The following HCN1 variants were observed in gnomAD, a reference collection of about 807,000 sequenced individuals.
The protein encoded by HCN1 is potassium/sodium hyperpolarization-activated cyclic nucleotide-gated channel 1.
HCN1 carries 13 observed loss-of-function variants against 78.9 expected under a neutral mutation model. That is an observed-to-expected ratio of 0.16 (90% CI 0.11 to 0.26). The LOEUF (loss-of-function observed/expected upper bound fraction) is 0.26, where lower values mean the gene tolerates loss of function less well. Ranked by LOEUF, HCN1 falls within the 10% of genes least tolerant of loss-of-function variation. The pLI, the probability that HCN1 is intolerant of heterozygous loss-of-function variation, is 1.00. For missense variants in HCN1, 810 were observed against 1,154.3 expected (o/e 0.70, Z 4.32); for synonymous variants, 552 against 455.5 (o/e 1.21, Z -2.70).
At chr5:45,407,071 T>C (rs1303672015) in intron 3 of HCN1, among the ~76,000 whole-genome samples, 1 of 152,086 alleles carries the variant, frequency 6.6e-6, no homozygotes, top group Non-Finnish European at 1.5e-5. Context: ...GGGTGACAGG[T>C]TCAATCTGAA....
chr5:45,456,805 G>T (rs1478060617), intron 3 of HCN1, among the ~76,000 whole-genome samples: 1 of 151,914 alleles, frequency 6.6e-6, no homozygotes, highest in Non-Finnish European at 1.5e-5. Flanking sequence ...ATGACTAATT[G>T]ACTTATCCAA....
At chr5:45,586,777 T>G (rs1744237243) in intron 2 of HCN1, among the ~76,000 whole-genome samples, 1 of 152,194 alleles carries the variant, frequency 6.6e-6, no homozygotes, top group Non-Finnish European at 1.5e-5. Context: ...GAGCCATTAT[T>G]TAGTCTCTTA....
intron 4 of HCN1, among the ~76,000 whole-genome samples, chr5:45,374,319 A>G (rs1324286650): frequency 7.2e-6 from 1 of 139,304 alleles, no homozygotes; most frequent in Non-Finnish European, 1.5e-5. Flanking sequence ...TATATACATT[A>G]TATACATTAT....
intron 2 of HCN1, among the ~76,000 whole-genome samples, chr5:45,588,875 T>C (rs1331940217): frequency 6.6e-6 from 1 of 152,210 alleles, no homozygotes; most frequent in Non-Finnish European, 1.5e-5. Flanking sequence ...ATCTCATTTA[T>C]CTCACGCCTG....
chr5:45,568,682 T>A (rs909029768), intron 2 of HCN1, among the ~76,000 whole-genome samples: 1 of 152,164 alleles, frequency 6.6e-6, no homozygotes, highest in African/African-American at 2.4e-5. Context: ...TAACACTCGT[T>A]ATATTTTAAA....
chr5:45,411,519 C>G (rs1473796782), intron 3 of HCN1, among the ~76,000 whole-genome samples: 1 of 151,726 alleles, frequency 6.6e-6, no homozygotes, highest in Non-Finnish European at 1.5e-5. Context: ...AAGCAGGGCC[C>G]CTTTAAAATT....
chr5:45,642,407 T>A (rs1745472465), intron 2 of HCN1: 1 of 152,098 alleles, frequency 6.6e-6, no homozygotes, highest in Admixed American at 6.6e-5. Context: ...CTAATTTATC[T>A]GGCATCAGGG....
intron 3 of HCN1, among the ~76,000 whole-genome samples, chr5:45,409,853 ATAAT>A (rs1739992697): frequency 6.6e-6 from 1 of 151,824 alleles, no homozygotes; most frequent in African/African-American, 2.4e-5. Flanking sequence ...AAATAAACAA[ATAAT>A]TAAATATATT....
At chr5:45,496,493 G>A (rs992989663) in intron 2 of HCN1, among the ~76,000 whole-genome samples, 49 of 152,166 alleles carry the variant, frequency 3.2e-4, no homozygotes, top group African/African-American at 1.2e-3. Context: ...GAATCCATCT[G>A]GTCCTGGACT....
chr5:45,406,139 C>T (rs1739915270), intron 3 of HCN1, among the ~76,000 whole-genome samples: 1 of 152,002 alleles, frequency 6.6e-6, no homozygotes, highest in Non-Finnish European at 1.5e-5. Context: ...TTCATTGGTA[C>T]TATTTATAAA....
intron 3 of HCN1, among the ~76,000 whole-genome samples, chr5:45,431,951 C>T (rs1436093167): frequency 6.6e-6 from 1 of 152,024 alleles, no homozygotes; most frequent in East Asian, 1.9e-4. Context: ...TTTAAAATAG[C>T]TTTTTTCTAA....
intron 2 of HCN1, among the ~76,000 whole-genome samples, chr5:45,540,723 C>A (rs569075136): frequency 6.6e-6 from 1 of 152,044 alleles, no homozygotes; most frequent in African/African-American, 2.4e-5. Flanking sequence ...TTATTGTTTG[C>A]ATTTTTCTAA....
intron 2 of HCN1, among the ~76,000 whole-genome samples, chr5:45,567,558 TACACACACACACACAC>T (rs36230541): frequency 3.8e-4 from 51 of 133,026 alleles, no homozygotes; most frequent in African/African-American, 1.3e-3. Context: ...CATTTTAGGC[TACACACACACACACAC>T]ACACACACAC....
At chr5:45,308,074 T>A (rs985908730) in intron 5 of HCN1, among the ~76,000 whole-genome samples, 1 of 152,078 alleles carries the variant, frequency 6.6e-6, no homozygotes, top group South Asian at 2.1e-4. Flanking sequence ...TGTCCTTGAG[T>A]TAATGAGTGA....
intron 5 of HCN1, among the ~76,000 whole-genome samples, chr5:45,316,528 A>G (rs1433411798): frequency 1.3e-5 from 2 of 151,878 alleles, no homozygotes; most frequent in Non-Finnish European, 2.9e-5. Context: ...CTCTCTCACC[A>G]CTCCTATTCA....
At chr5:45,409,148 T>C (rs1239079163) in intron 3 of HCN1, among the ~76,000 whole-genome samples, 2 of 152,194 alleles carry the variant, frequency 1.3e-5, no homozygotes, top group South Asian at 4.1e-4. Flanking sequence ...CAAGAGACTA[T>C]ATAAAAGGCT....
chr5:45,586,424 C>A (rs1159767414), intron 2 of HCN1, among the ~76,000 whole-genome samples: 1 of 152,136 alleles, frequency 6.6e-6, no homozygotes, highest in African/African-American at 2.4e-5. Context: ...CCATCTGTTA[C>A]CCCTTTCTGT....
intron 2 of HCN1, among the ~76,000 whole-genome samples, chr5:45,590,173 A>C (rs1252003491): frequency 6.6e-6 from 1 of 152,176 alleles, no homozygotes; most frequent in Non-Finnish European, 1.5e-5. Context: ...ATGCTAGTTA[A>C]TTTCCAACCA....
chr5:45,277,794 A>G (rs1027312914), intron 6 of HCN1, among the ~76,000 whole-genome samples: 5 of 152,130 alleles, frequency 3.3e-5, no homozygotes, highest in Admixed American at 1.3e-4. Context: ...AACTCTTTCG[A>G]TGGGGATGCT....
Sources: allele counts gnomAD v4.1 joint callset (sites outside exome capture counted in the v4.1 genomes callset), GRCh38; gene constraint gnomAD v4.1.1; transcripts MANE v1.5; gene names NCBI Gene and HGNC (gene_info 2026-07-23, HGNC 2026-07-21).